Variants in ACTN4 observed in about 807,000 individuals in gnomAD.
ACTN4 encodes actinin alpha 4, also known as alpha-actinin-4.
A neutral mutation model predicts 114.2 loss-of-function variants in ACTN4; 18 were observed. The observed-to-expected ratio is 0.16, with a 90% CI of 0.11 to 0.23. The LOEUF is 0.23. ACTN4 is among the 10% of genes least tolerant of loss of function. ACTN4 has a pLI of 1.00. For missense variants in ACTN4, 722 were observed against 1,262.9 expected (o/e 0.57, Z 6.49); for synonymous variants, 515 against 506.3 (o/e 1.02, Z -0.23).
chr19:38,729,236 G>A, intron 20 of ACTN4, 38 bp from the exon 21 acceptor site: 1 of 1,612,354 alleles, frequency 6.2e-7, no homozygotes, highest in Non-Finnish European at 8.5e-7. Flanking sequence ...CCAGTGTGTG[G>A]GTGGGGATGG....
chr19:38,694,590 T>A (rs1055713003), intron 1 of ACTN4, among the ~76,000 whole-genome samples: 7 of 152,016 alleles, frequency 4.6e-5, no homozygotes, highest in African/African-American at 1.7e-4. Context: ...CTGACTCTGC[T>A]GTCTCTCCCT....
intron 1 of ACTN4, chr19:38,648,153 C>A (rs888903961): frequency 2.4e-6 from 1 of 416,384 alleles, no homozygotes; most frequent in Non-Finnish European, 4.2e-6. Context: ...TAAAAGGAAT[C>A]GGGAAGGCTG....
intron 7 of ACTN4, 75 bp downstream of exon 7, chr19:38,709,551 G>A: frequency 7.6e-7 from 1 of 1,313,578 alleles, no homozygotes; most frequent in African/African-American, 1.4e-5. Context: ...CCTCGGGCAA[G>A]GGGCTGTGGG....
chr19:38,652,684 T>TG (rs1366343966), intron 1 of ACTN4, among the ~76,000 whole-genome samples: 3 of 151,934 alleles, frequency 2.0e-5, no homozygotes, highest in African/African-American at 4.8e-5. Flanking sequence ...GGCTGCCTTG[T>TG]GGGGGGGAAA....
At chr19:38,728,454 C>CTCCT in intron 19 of ACTN4, 24 of 713,116 alleles carry the variant, frequency 3.4e-5, no homozygotes, top group Non-Finnish European at 4.5e-5. Flanking sequence ...CTCCTCCCCC[C>CTCCT]CACCTCTCCC....
At chr19:38,725,582 C>A in intron 16 of ACTN4, 142 bp from the exon 17 acceptor site, 1 of 851,540 alleles carries the variant, frequency 1.2e-6, no homozygotes, top group Non-Finnish European at 1.8e-6. Flanking sequence ...TGGGCCTTCC[C>A]TCCCAGGGAC....
In ACTN4 at chr19:38,730,300, A is replaced by G. The variant is rs1012720237; in HGVS notation, c.*868A>G. On this transcript the variant is annotated 3_prime_UTR_variant, in exon 21 of 21. Coordinates refer to ENST00000252699, the MANE Select transcript of ACTN4 (RefSeq NM_004924.6). ...TGCTCTCATAATGAAGACATAGCCG[A>G]TTCTCTGCCCGGGCCCCTTGCTGAT... The G allele has an allele frequency of 1.8e-5, 3 of 162,870 alleles. No homozygotes were observed. The highest frequency in any genetic ancestry group is 7.2e-5 in the African/African-American group (3 of 41,438). The allele number at this position is 162,870 out of a possible 1,614,324, so 10.1% of individuals were successfully genotyped here.
At chr19:38,716,924 G>T (rs1312130743) in intron 9 of ACTN4, among the ~76,000 whole-genome samples, 162 bp from the exon 10 acceptor site, 1 of 152,266 alleles carries the variant, frequency 6.6e-6, no homozygotes, top group Non-Finnish European at 1.5e-5. Context: ...CAGGTTGGGG[G>T]TTCTAGCAGG....
chr19:38,715,457 A>G (rs1313952219), intron 9 of ACTN4, among the ~76,000 whole-genome samples: 2 of 152,204 alleles, frequency 1.3e-5, no homozygotes, highest in East Asian at 1.9e-4. Context: ...AGATTGCGCC[A>G]CTGTACTCTA....
At chr19:38,654,895 A>G (rs1976669554) in intron 1 of ACTN4, among the ~76,000 whole-genome samples, 1 of 152,012 alleles carries the variant, frequency 6.6e-6, no homozygotes, top group Admixed American at 6.6e-5. Flanking sequence ...CTTGGTTGTG[A>G]TTTATGCAAG....
rs867788664 is a variant in ACTN4, at chr19:38,673,467, A to T, written c.162+25560A>T. ...TATATATATATATTCATATATATTT[A>T]TATATATTTATATATATATTCATAT... On this transcript the variant is annotated intron_variant, in intron 1 of 20. Coordinates refer to ENST00000252699, the MANE Select transcript of ACTN4 (RefSeq NM_004924.6). Among the ~76,000 whole-genome samples, 19 of 66,806 alleles carry T rather than the reference A, an allele frequency of 2.8e-4. 1 individual carries two copies. Among genetic ancestry groups the T allele is most frequent in the East Asian group, 1.9e-3 (4 of 2,098 alleles). The allele number at this position is 66,806 out of a possible 152,430, so 43.8% of individuals were successfully genotyped here.
intron 1 of ACTN4, among the ~76,000 whole-genome samples, chr19:38,674,503 G>C (rs1275232149): frequency 6.6e-6 from 1 of 152,184 alleles, no homozygotes; most frequent in Non-Finnish European, 1.5e-5. Context: ...GAGCATATCT[G>C]TTTCGATGCT....
intron 1 of ACTN4, among the ~76,000 whole-genome samples, chr19:38,693,288 G>A (rs1568711054): frequency 6.6e-6 from 1 of 152,158 alleles, no homozygotes; most frequent in Non-Finnish European, 1.5e-5. Flanking sequence ...CTGAGGGATC[G>A]CTCGAGCCTA....
intron 8 of ACTN4, chr19:38,711,254 C>T: frequency 1.6e-5 from 16 of 990,332 alleles, no homozygotes; most frequent in Non-Finnish European, 1.9e-5. Flanking sequence ...CTCTCTCTCT[C>T]TTTCTCTCTC....
At chr19:38,666,228 C>A (rs555684075) in intron 1 of ACTN4, among the ~76,000 whole-genome samples, 77 of 152,096 alleles carry the variant, frequency 5.1e-4, no homozygotes, top group Middle Eastern at 3.4e-3. Flanking sequence ...CCCTGTCCCC[C>A]CCAAAAGCAA....
At chr19:38,658,241 C>T (rs553264409) in intron 1 of ACTN4, among the ~76,000 whole-genome samples, 23 of 152,284 alleles carry the variant, frequency 1.5e-4, no homozygotes, top group African/African-American at 4.8e-4. Flanking sequence ...CCATGAAATC[C>T]GCTGCTGGCT....
At chr19:38,692,578 T>A (rs1278517068) in intron 1 of ACTN4, among the ~76,000 whole-genome samples, 1 of 152,250 alleles carries the variant, frequency 6.6e-6, no homozygotes, top group Non-Finnish European at 1.5e-5. Flanking sequence ...GGCTTAGCCG[T>A]CTGGCCCTGA....
intron 1 of ACTN4, among the ~76,000 whole-genome samples, chr19:38,692,399 G>A (rs753123528): frequency 3.3e-5 from 5 of 152,212 alleles, no homozygotes; most frequent in Admixed American, 3.3e-4. Flanking sequence ...TGACCTGCTC[G>A]TTTTCTGTTC....
intron 6 of ACTN4, 81 bp downstream of exon 6, chr19:38,708,276 C>T: frequency 1.4e-6 from 2 of 1,466,778 alleles, no homozygotes; most frequent in Non-Finnish European, 1.9e-6. Context: ...TCCCCATGCC[C>T]TTCCATCGCC....
Sources: gnomAD v4.1 joint callset for allele counts (sites outside exome capture counted in the v4.1 genomes callset) on GRCh38, gnomAD v4.1.1 for gene constraint, MANE v1.5 for transcripts, NCBI Gene and HGNC (gene_info 2026-07-23, HGNC 2026-07-21) for gene names.